The following NCK2 variants were observed in gnomAD, a reference collection of about 807,000 sequenced individuals.
NCK2 encodes the protein NCK adaptor protein 2, also known as cytoplasmic protein NCK2.
A neutral mutation model predicts 33.9 loss-of-function variants in NCK2; 16 were observed. The ratio of observed to expected loss-of-function variants is 0.47; its 90% CI spans 0.32 to 0.72. The LOEUF (loss-of-function observed/expected upper bound fraction) is 0.72, where lower values mean the gene tolerates loss of function less well. NCK2 is among the 30% of genes least tolerant of loss of function. The pLI is 0.03. For synonymous variants in NCK2, 273 were observed against 239.9 expected, an observed-to-expected ratio of 1.14 and a Z score of -1.27; for missense variants, 418 against 537.3, an observed-to-expected ratio of 0.78 and a Z score of 2.19.
At chr2:105,789,433 C>G (rs542018969) in intron 1 of NCK2, among the ~76,000 whole-genome samples, 1 of 152,290 alleles carries the variant, frequency 6.6e-6, no homozygotes, top group South Asian at 2.1e-4. Flanking sequence ...AAGTGATCCA[C>G]CCGCCTCGGC....
intron 1 of NCK2, among the ~76,000 whole-genome samples, chr2:105,770,509 A>G (rs1326490896): frequency 1.3e-5 from 2 of 152,236 alleles, no homozygotes; most frequent in Non-Finnish European, 2.9e-5. Flanking sequence ...GTGTGTTTAC[A>G]TAACTGATCA....
At chr2:105,857,474 A>C (rs927194473) in intron 3 of NCK2, among the ~76,000 whole-genome samples, 1 of 152,216 alleles carries the variant, frequency 6.6e-6, no homozygotes, top group Non-Finnish European at 1.5e-5. Context: ...CATTTCTTTA[A>C]CTTTCTTCCT....
intron 1 of NCK2, among the ~76,000 whole-genome samples, chr2:105,769,913 TGATTC>T (rs1413968936): frequency 1.3e-5 from 2 of 152,190 alleles, no homozygotes; most frequent in Non-Finnish European, 2.9e-5. Flanking sequence ...TTCTGCTTTT[TGATTC>T]GGGATTTTGG....
In NCK2 at chr2:105,881,702, C is replaced by A; in HGVS notation, c.601C>A (p.Gln201Lys). The A allele has an allele frequency of 6.2e-7, 1 of 1,614,202 alleles. No individual in the cohort carries two copies. The highest frequency in any genetic ancestry group is 8.5e-7 in the Non-Finnish European group (1 of 1,180,030). The stretch of plus-strand genomic sequence containing the variant: ...GGGCTCCCGCGTGCTGCATGTGGTC[C>A]AGACGCTGTACCCCTTCAGCTCAGT... ...GQGSRVLHVV[Q>K]TLYPFSSVTE... The change falls in exon 4 of 5, where the codon CAG (glutamine) becomes AAG (lysine). Residue 201 changes from glutamine to lysine, a missense_variant. Transcript: ENST00000233154.
At chr2:105,747,789 G>A (rs142363486) in intron 1 of NCK2, among the ~76,000 whole-genome samples, 1 of 152,174 alleles carries the variant, frequency 6.6e-6, no homozygotes, top group African/African-American at 2.4e-5. Flanking sequence ...TTTTCAAAGG[G>A]CCTAAGCTAA....
At chr2:105,805,163 C>T (rs1279940519) in intron 1 of NCK2, among the ~76,000 whole-genome samples, 1 of 152,148 alleles carries the variant, frequency 6.6e-6, no homozygotes, top group East Asian at 1.9e-4. Context: ...GGAGGCCGGT[C>T]TCCTAGAAGA....
At chr2:105,785,013 C>A (rs1573589496) in intron 1 of NCK2, among the ~76,000 whole-genome samples, 1 of 152,194 alleles carries the variant, frequency 6.6e-6, no homozygotes, top group African/African-American at 2.4e-5. Flanking sequence ...GAGTCTCGCT[C>A]TGTCGCCCAG....
chr2:105,779,928 T>C (rs1690432856), intron 1 of NCK2, among the ~76,000 whole-genome samples: 1 of 152,166 alleles, frequency 6.6e-6, no homozygotes, highest in Non-Finnish European at 1.5e-5. Flanking sequence ...TCATTCAGGA[T>C]AGCGTGTACA....
rs1690556907 is a variant in NCK2 at position 105,783,136 on chromosome 2, T to C, written c.-200-33294T>C. ...AGAGCCCTGGGAGGTGGTTTAACTT[T>C]CTCTGCAGCACTGCTTTGCTTTCTG... On this transcript the variant is annotated intron_variant, in intron 1 of 4. Transcript: ENST00000233154. Among the ~76,000 whole-genome samples, 5 of 152,314 alleles carry C rather than the reference T, an allele frequency of 3.3e-5. 1 individual carries two copies. In the Middle Eastern group the frequency reaches 0.017, roughly 518 times the overall value.
At chr2:105,876,361 A>G (rs1191598031) in intron 3 of NCK2, among the ~76,000 whole-genome samples, 1 of 152,254 alleles carries the variant, frequency 6.6e-6, no homozygotes, top group Non-Finnish European at 1.5e-5. Flanking sequence ...GGTGTTCTGC[A>G]TGGGTGAGGA....
At chr2:105,807,483 A>G (rs1316838773) in intron 1 of NCK2, among the ~76,000 whole-genome samples, 3 of 152,160 alleles carry the variant, frequency 2.0e-5, no homozygotes, top group Non-Finnish European at 2.9e-5. Context: ...GCTGATATCT[A>G]TGTAATTTGA....
chr2:105,840,022 G>A (rs527667126), intron 2 of NCK2, among the ~76,000 whole-genome samples: 31 of 152,276 alleles, frequency 2.0e-4, no homozygotes, highest in African/African-American at 6.0e-4. Flanking sequence ...GTATGGTAGG[G>A]ACAAAAGCCA....
At chr2:105,809,882 A>G (rs1284444327) in intron 1 of NCK2, among the ~76,000 whole-genome samples, 1 of 152,106 alleles carries the variant, frequency 6.6e-6, no homozygotes, top group African/African-American at 2.4e-5. Context: ...GCACTGCTAG[A>G]AGAAGAGGGA....
chr2:105,763,521 A>T (rs773903072), intron 1 of NCK2, among the ~76,000 whole-genome samples: 1 of 152,194 alleles, frequency 6.6e-6, no homozygotes, highest in Admixed American at 6.5e-5. Flanking sequence ...TGTTTTTATA[A>T]ATTTTATTTA....
chr2:105,869,952 C>T (rs988358123), intron 3 of NCK2, among the ~76,000 whole-genome samples: 5 of 151,884 alleles, frequency 3.3e-5, no homozygotes, highest in African/African-American at 1.2e-4. Flanking sequence ...ATTTTGTTTG[C>T]CTGCCTGCTC....
chr2:105,798,090 C>T (rs1691151143), intron 1 of NCK2, among the ~76,000 whole-genome samples: 1 of 152,128 alleles, frequency 6.6e-6, no homozygotes, highest in Non-Finnish European at 1.5e-5. Flanking sequence ...CCCCTACTTC[C>T]AGAAGATGTG....
At chr2:105,749,986 C>T (rs1689401517) in intron 1 of NCK2, among the ~76,000 whole-genome samples, 1 of 151,156 alleles carries the variant, frequency 6.6e-6, no homozygotes, top group Non-Finnish European at 1.5e-5. Context: ...GCCAAGATCA[C>T]ACCACTGCAC....
chr2:105,750,652 G>T (rs894178310), intron 1 of NCK2, among the ~76,000 whole-genome samples: 3 of 152,216 alleles, frequency 2.0e-5, no homozygotes, highest in Non-Finnish European at 4.4e-5. Flanking sequence ...CCTTCCAAAG[G>T]CTGGAAAGGT....
At chr2:105,870,092 T>C (rs11885225) in intron 3 of NCK2, among the ~76,000 whole-genome samples, 46,516 of 152,094 alleles carry the variant, frequency 0.31, 7,682 homozygotes, top group South Asian at 0.43. Flanking sequence ...TGGTTCCTGG[T>C]GTGCCCACCC....
Sources: gnomAD v4.1 joint callset for allele counts (sites outside exome capture counted in the v4.1 genomes callset) on GRCh38, gnomAD v4.1.1 for gene constraint, MANE v1.5 for transcripts, NCBI Gene and HGNC (gene_info 2026-07-23, HGNC 2026-07-21) for gene names.